TGFBR3: variants seen among roughly 807,000 people sequenced by gnomAD.
TGFBR3 encodes the protein transforming growth factor beta receptor type 3.
Under a neutral mutation model 87.9 loss-of-function variants are expected in TGFBR3, and 46 were observed. The ratio of observed to expected loss-of-function variants is 0.52; its 90% CI spans 0.41 to 0.67. The LOEUF (loss-of-function observed/expected upper bound fraction) is 0.67. Ranked by LOEUF, TGFBR3 falls within the 30% of genes least tolerant of loss-of-function variation. TGFBR3 has a pLI of 0.00. For missense variants in TGFBR3, 866 were observed against 1,041.9 expected (o/e 0.83, Z 2.32); for synonymous variants, 381 against 391.6 (o/e 0.97, Z 0.32).
chr1:91,862,956 CA>C (rs1211251852), intron 1 of TGFBR3, among the ~76,000 whole-genome samples: 2 of 151,908 alleles, frequency 1.3e-5, no homozygotes, highest in East Asian at 1.9e-4. Flanking sequence ...GATAACAGTA[CA>C]AAAAAAATTA....
At chr1:91,711,529 A>C (rs754149668) in intron 13 of TGFBR3, among the ~76,000 whole-genome samples, 13 of 152,236 alleles carry the variant, frequency 8.5e-5, no homozygotes, top group Non-Finnish European at 1.8e-4. Context: ...ACTCTGTGTG[A>C]GATAGCCACA....
At chr1:91,852,640 C>T (rs1321130327) in intron 2 of TGFBR3, among the ~76,000 whole-genome samples, 1 of 152,150 alleles carries the variant, frequency 6.6e-6, no homozygotes, top group Non-Finnish European at 1.5e-5. Context: ...CATCTCGGCT[C>T]ACCGCAACCT....
intron 2 of TGFBR3, among the ~76,000 whole-genome samples, chr1:91,898,514 G>T (rs1679603465): frequency 1.3e-5 from 2 of 152,156 alleles, no homozygotes; most frequent in South Asian, 4.2e-4. Flanking sequence ...TCGGCTCACT[G>T]CAAGCTCCGC....
chr1:91,792,206 T>C (rs1675220399), intron 3 of TGFBR3, among the ~76,000 whole-genome samples: 1 of 152,158 alleles, frequency 6.6e-6, no homozygotes, highest in Non-Finnish European at 1.5e-5. Flanking sequence ...GCACCCTTCT[T>C]TTTCCCTTGG....
intron 15 of TGFBR3, among the ~76,000 whole-genome samples, chr1:91,696,668 G>A (rs1671444025): frequency 1.3e-5 from 2 of 152,116 alleles, no homozygotes; most frequent in Admixed American, 1.3e-4. Flanking sequence ...GTTTTAGGTA[G>A]AATACAATTT....
chr1:91,744,149 A>G (rs1168356489), intron 4 of TGFBR3, among the ~76,000 whole-genome samples: 1 of 148,802 alleles, frequency 6.7e-6, no homozygotes, highest in Non-Finnish European at 1.5e-5. Context: ...TAGTGGCACG[A>G]TCTCAGCTCA....
At chr1:91,890,238 C>A (rs954654895), upstream of TGFBR3, among the ~76,000 whole-genome samples, 8 of 151,960 alleles carry the variant, frequency 5.3e-5, no homozygotes, top group African/African-American at 1.9e-4. Flanking sequence ...ATACAAGGAA[C>A]CACCCCTCCT....
rs762499783 is a variant in TGFBR3 at position 91,695,699 on chromosome 1, C to A, written c.2410G>T (p.Ala804Ser). 21 of 1,614,110 alleles carry A rather than the reference C, an allele frequency of 1.3e-5. 1 individual carries two copies. In the Admixed American group the frequency reaches 1.3e-4, roughly 10 times the overall value. Reference protein sequence around the residue: ...AFVIGALLTGALWYIYSHTGE... With the variant: ...AFVIGALLTGSLWYIYSHTGE... ...GTGTGAGAATAGATGTACCACAAGG[C>A]CCCCGTCAGGAGTGCTCCGATCACA... Residue 804 changes from alanine (A) to serine (S), a missense_variant, in exon 16 of 17, where the codon GCC becomes TCC. By Grantham distance (99) the Ala-to-Ser change is moderately conservative. Coordinates refer to ENST00000212355, the MANE Select transcript of TGFBR3 (RefSeq NM_003243.5).
At chr1:91,722,340 T>C (rs1672398709) in intron 7 of TGFBR3, among the ~76,000 whole-genome samples, 196 bp from the exon 8 acceptor site, 1 of 152,202 alleles carries the variant, frequency 6.6e-6, no homozygotes, top group South Asian at 2.1e-4. Flanking sequence ...CATCTACGTA[T>C]GCTGCTTGAT....
At chr1:91,879,903 T>C (rs1384953872) in intron 1 of TGFBR3, among the ~76,000 whole-genome samples, 1 of 145,576 alleles carries the variant, frequency 6.9e-6, no homozygotes, top group South Asian at 2.2e-4. Flanking sequence ...AGATCCTTCT[T>C]GTAAGGCCCT....
At chr1:91,874,679 G>A (rs964839060) in intron 1 of TGFBR3, among the ~76,000 whole-genome samples, 5 of 151,976 alleles carry the variant, frequency 3.3e-5, no homozygotes, top group Admixed American at 3.3e-4. Flanking sequence ...TTTTTTAGTA[G>A]AGACGGGGTT....
intron 2 of TGFBR3, among the ~76,000 whole-genome samples, chr1:91,823,668 A>T (rs947443273): frequency 6.6e-6 from 1 of 152,266 alleles, no homozygotes; most frequent in Non-Finnish European, 1.5e-5. Flanking sequence ...ATCTATAGCA[A>T]CAGAAAGCAG....
Position 91,857,943 on chromosome 1 carries a change from G to T in TGFBR3, c.61+3528C>A, listed in dbSNP as rs530078209. Among the ~76,000 whole-genome samples the T allele has an allele frequency of 7.9e-5, 12 of 152,294 alleles. No individual in the cohort carries two copies. The South Asian group carries it at 2.5e-3, about 32-fold the overall frequency. On this transcript the variant is annotated intron_variant, in intron 2 of 16. Transcript: ENST00000212355. ...CTATTACCATTCTTTCCAAACAAAT[G>T]ATTTCCTTCAAATCAATATAGTAGA...
intron 2 of TGFBR3, among the ~76,000 whole-genome samples, chr1:91,860,758 C>T (rs775689395): frequency 1.3e-4 from 19 of 151,530 alleles, no homozygotes; most frequent in Non-Finnish European, 2.8e-4. Flanking sequence ...ATGGTGAAAC[C>T]CTGTCTCTAT....
intron 2 of TGFBR3, among the ~76,000 whole-genome samples, chr1:91,891,501 G>GAAA (rs75551003): frequency 8.8e-6 from 1 of 113,490 alleles, no homozygotes; most frequent in African/African-American, 3.3e-5. Flanking sequence ...CTGTCTCAAA[G>GAAA]AAAAAAAAAA....
chr1:91,716,209 A>T, intron 12 of TGFBR3, 27 bp downstream of exon 12: 1 of 1,613,826 alleles, frequency 6.2e-7, no homozygotes. Flanking sequence ...CTAACCTAAA[A>T]GGTCAAGGCT....
intron 14 of TGFBR3, among the ~76,000 whole-genome samples, chr1:91,701,540 C>G (rs1029018112): frequency 6.6e-5 from 10 of 152,142 alleles, no homozygotes; most frequent in Non-Finnish European, 1.3e-4. Context: ...AAACTATAAT[C>G]AATGTTCTGA....
intron 3 of TGFBR3, among the ~76,000 whole-genome samples, chr1:91,782,901 G>A (rs371024310): frequency 6.6e-6 from 1 of 152,066 alleles, no homozygotes; most frequent in African/African-American, 2.4e-5. Context: ...CAGCTTCCAC[G>A]TAAACGGGTC....
At chr1:91,706,670 T>C (rs1358984513) in intron 14 of TGFBR3, among the ~76,000 whole-genome samples, 1 of 152,234 alleles carries the variant, frequency 6.6e-6, no homozygotes, top group Admixed American at 6.5e-5. Flanking sequence ...GTAGCCATTC[T>C]TTTGTTTCTT....
Sources: allele counts gnomAD v4.1 joint callset (sites outside exome capture counted in the v4.1 genomes callset), GRCh38; gene constraint gnomAD v4.1.1; transcripts MANE v1.5; gene names NCBI Gene and HGNC (gene_info 2026-07-23, HGNC 2026-07-21).